Variants in PLEKHM3 observed in about 807,000 individuals in gnomAD.
PLEKHM3 encodes pleckstrin homology domain-containing family M member 3.
In PLEKHM3, 45 loss-of-function variants were observed where a neutral mutation model predicts 81.8. That is an observed-to-expected ratio of 0.55 (90% CI 0.43 to 0.71). PLEKHM3 has a LOEUF of 0.71. Among genes scored for constraint, PLEKHM3 ranks in the 30% least tolerant of loss-of-function variants. The pLI is 0.00. For synonymous variants in PLEKHM3, 352 were observed against 356.4 expected, an observed-to-expected ratio of 0.99 and a Z score of 0.14; for missense variants, 788 against 924.3, an observed-to-expected ratio of 0.85 and a Z score of 1.91.
At chr2:207,944,559 T>C (rs551084790) in intron 4 of PLEKHM3, among the ~76,000 whole-genome samples, 2 of 152,328 alleles carry the variant, frequency 1.3e-5, no homozygotes, top group African/African-American at 4.8e-5. Flanking sequence ...TAGAAGATAA[T>C]GGCACTTCAC....
chr2:207,907,652 C>T (rs1055344529), intron 6 of PLEKHM3, among the ~76,000 whole-genome samples: 7 of 152,172 alleles, frequency 4.6e-5, no homozygotes, highest in African/African-American at 1.7e-4. Flanking sequence ...ACATTCAATG[C>T]CTTTTACATC....
intron 1 of PLEKHM3, among the ~76,000 whole-genome samples, chr2:208,002,583 A>G (rs1574483330): frequency 6.6e-6 from 1 of 152,198 alleles, no homozygotes; most frequent in Non-Finnish European, 1.5e-5. Flanking sequence ...GTATGGGTCC[A>G]GTCTGCAGGG....
intron 3 of PLEKHM3, among the ~76,000 whole-genome samples, chr2:207,954,683 T>A (rs1237806235): frequency 6.6e-6 from 1 of 152,222 alleles, no homozygotes; most frequent in Non-Finnish European, 1.5e-5. Context: ...TTATTTGGGT[T>A]TTCCCCCTCT....
In PLEKHM3 at chr2:208,001,354, TA is replaced by T; in HGVS notation, c.285del (p.Phe95LeufsTer39). The part of the protein sequence containing the change: ...AQNVFPAKEQ[F>X]MVQRGTTPDN... The stretch of plus-strand genomic sequence containing the variant: ...TCTGGGGTTGTCCCTCTCTGGACCA[TA>T]AACTGTTCTTTGGCAGGGAAGACAT... On this transcript the variant is annotated frameshift_variant, in exon 2 of 8. Coordinates refer to ENST00000427836, the MANE Select transcript of PLEKHM3 (RefSeq NM_001080475.3). LOFTEE classifies it high-confidence loss of function. The T allele has an allele frequency of 6.2e-7, 1 of 1,614,224 alleles. No individual in the cohort carries two copies. Among genetic ancestry groups the T allele is most frequent in the Middle Eastern group, 1.6e-4 (1 of 6,062 alleles).
At chr2:207,851,590 A>T (rs2092412791) in intron 7 of PLEKHM3, 1 of 151,944 alleles carries the variant, frequency 6.6e-6, no homozygotes, top group Non-Finnish European at 1.5e-5. Flanking sequence ...ACACAAAAAA[A>T]CTAGTGGGGC....
chr2:207,973,514 G>A (rs1458389973), intron 3 of PLEKHM3, among the ~76,000 whole-genome samples: 1 of 152,084 alleles, frequency 6.6e-6, no homozygotes, highest in African/African-American at 2.4e-5. Context: ...TGAGGCAAGC[G>A]GATCACCTGA....
At chr2:207,835,529 C>T (rs562623109) in intron 7 of PLEKHM3, among the ~76,000 whole-genome samples, 2 of 152,266 alleles carry the variant, frequency 1.3e-5, no homozygotes, top group South Asian at 4.1e-4. Flanking sequence ...TCCAAATTGT[C>T]TTGCTCCAAG....
chr2:208,019,105 T>A (rs1288054622), intron 1 of PLEKHM3, among the ~76,000 whole-genome samples: 1 of 150,732 alleles, frequency 6.6e-6, no homozygotes, highest in Non-Finnish European at 1.5e-5. Flanking sequence ...TTCAAGACCA[T>A]CCTGAGCAAC....
chr2:207,975,595 T>TC (rs2106027806), intron 3 of PLEKHM3, among the ~76,000 whole-genome samples: 1 of 133,064 alleles, frequency 7.5e-6, no homozygotes, highest in East Asian at 2.1e-4. Context: ...TTTTTTTTTT[T>TC]TTTTTTTTTT....
At chr2:207,987,427 G>C (rs936885995) in intron 2 of PLEKHM3, among the ~76,000 whole-genome samples, 1 of 152,110 alleles carries the variant, frequency 6.6e-6, no homozygotes, top group Non-Finnish European at 1.5e-5. Context: ...CCTTGGTCTC[G>C]AGTAACAACC....
chr2:207,890,115 T>C (rs1365469457), intron 6 of PLEKHM3, among the ~76,000 whole-genome samples: 3 of 152,200 alleles, frequency 2.0e-5, no homozygotes, highest in Non-Finnish European at 4.4e-5. Context: ...TATTCGTTCA[T>C]TTTTTAAAAA....
intron 1 of PLEKHM3, among the ~76,000 whole-genome samples, chr2:208,008,463 C>T (rs1274014109): frequency 2.2e-5 from 2 of 91,562 alleles, no homozygotes; most frequent in Non-Finnish European, 3.9e-5. Flanking sequence ...TAAATGTATG[C>T]TCCAAAAAAA....
intron 6 of PLEKHM3, among the ~76,000 whole-genome samples, chr2:207,884,378 T>C (rs1342018714): frequency 1.3e-5 from 2 of 152,014 alleles, no homozygotes; most frequent in East Asian, 1.9e-4. Flanking sequence ...AACTACAGAA[T>C]GGAAAGGAAG....
intron 5 of PLEKHM3, among the ~76,000 whole-genome samples, chr2:207,926,964 T>G (rs1219268334): frequency 6.6e-6 from 1 of 152,238 alleles, no homozygotes; most frequent in East Asian, 1.9e-4. Context: ...CAGTTTGCTT[T>G]ATTCTGTTTA....
At chr2:207,971,052 G>T (rs1691102419) in intron 3 of PLEKHM3, among the ~76,000 whole-genome samples, 1 of 152,152 alleles carries the variant, frequency 6.6e-6, no homozygotes, top group Non-Finnish European at 1.5e-5. Context: ...TTCAGAATTG[G>T]GAACACTGCC....
chr2:207,922,950 A>G (rs1483171671), intron 5 of PLEKHM3, among the ~76,000 whole-genome samples: 3 of 152,210 alleles, frequency 2.0e-5, no homozygotes, highest in Non-Finnish European at 2.9e-5. Context: ...GCTTTAAAGT[A>G]AGAGAAGCCA....
chr2:207,840,799 G>GTTTT lies in PLEKHM3; in HGVS notation c.2109-12307_2109-12304dup, dbSNP rs1221570591. 4.0e-4 allele frequency among the ~76,000 whole-genome samples: 44 copies of GTTTT among 109,830 alleles called. 1 individual carries two copies. Among genetic ancestry groups the GTTTT allele is most frequent in the African/African-American group, 6.2e-4 (16 of 25,828 alleles). The allele number at this position is 109,830 out of a possible 152,430, so 72.1% of individuals were successfully genotyped here. A position where few individuals can be genotyped will look rare whatever the true frequency, so the allele number is the denominator to read the frequency against. On this transcript the variant is annotated intron_variant, in intron 7 of 7. Transcript: ENST00000427836. ...ATTTTAAGCATTTAACACTTTTTAT[G>GTTTT]TTTTTTTTTTTTTTTTTTTTTTTGA...
intron 2 of PLEKHM3, among the ~76,000 whole-genome samples, chr2:207,985,584 A>G (rs912038933): frequency 1.6e-4 from 24 of 152,256 alleles, no homozygotes; most frequent in South Asian, 1.2e-3. Flanking sequence ...TAATAAATAC[A>G]TTCAGATAAA....
chr2:207,883,963 T>C (rs979515620), intron 6 of PLEKHM3, among the ~76,000 whole-genome samples: 4 of 152,072 alleles, frequency 2.6e-5, no homozygotes, highest in Admixed American at 6.6e-5. Context: ...TCAATAGACA[T>C]AGAAAAAGCA....
Sources: allele counts gnomAD v4.1 joint callset (sites outside exome capture counted in the v4.1 genomes callset), GRCh38; gene constraint gnomAD v4.1.1; transcripts MANE v1.5; gene names NCBI Gene and HGNC (gene_info 2026-07-23, HGNC 2026-07-21).